EDIL3: variants seen among roughly 807,000 people sequenced by gnomAD.
EDIL3 encodes EGF-like repeat and discoidin I-like domain-containing protein 3.
A neutral mutation model predicts 67.4 loss-of-function variants in EDIL3; 37 were observed. The observed-to-expected ratio is 0.55, with a 90% CI of 0.42 to 0.72. The LOEUF (loss-of-function observed/expected upper bound fraction) is 0.72. Among genes scored for constraint, EDIL3 ranks in the 30% least tolerant of loss-of-function variants. The pLI is 0.00. For synonymous variants in EDIL3, 195 were observed against 196.3 expected (o/e 0.99, Z 0.05); for missense variants, 527 against 586.3 (o/e 0.90, Z 1.04).
intron 1 of EDIL3, among the ~76,000 whole-genome samples, chr5:84,320,449 C>A (rs970598062): frequency 6.6e-6 from 1 of 151,832 alleles, no homozygotes; most frequent in South Asian, 2.1e-4. Context: ...GCTGTATATT[C>A]GCTCAAGTTT....
chr5:84,011,541 A>G (rs1485027654), intron 9 of EDIL3, among the ~76,000 whole-genome samples: 1 of 152,102 alleles, frequency 6.6e-6, no homozygotes, highest in Non-Finnish European at 1.5e-5. Flanking sequence ...AAAACTACAA[A>G]CAAGTTCAGG....
intron 3 of EDIL3, among the ~76,000 whole-genome samples, chr5:84,209,635 TA>T (rs113385032): frequency 0.011 from 1,583 of 149,422 alleles, 33 homozygotes; most frequent in African/African-American, 0.037. Context: ...CTAAACTTAT[TA>T]AAAAAAAAAG....
intron 5 of EDIL3, among the ~76,000 whole-genome samples, chr5:84,116,762 G>C (rs185950606): frequency 6.6e-6 from 1 of 152,146 alleles, no homozygotes; most frequent in East Asian, 1.9e-4. Context: ...TAAAACAAAG[G>C]ATGCTTTACC....
chr5:84,356,245 A>T (rs1254697995), intron 1 of EDIL3, among the ~76,000 whole-genome samples: 2 of 152,252 alleles, frequency 1.3e-5, no homozygotes, highest in South Asian at 4.1e-4. Context: ...ACTGATAAAC[A>T]TATGCTTAAA....
At chr5:84,003,017 AGCCCC>A (rs1745357790) in intron 9 of EDIL3, among the ~76,000 whole-genome samples, 1 of 136,502 alleles carries the variant, frequency 7.3e-6, no homozygotes, top group African/African-American at 3.2e-5. Flanking sequence ...GGCAACTGAC[AGCCCC>A]TCTGCCACTG....
At chr5:84,157,290 C>A (rs1748510033) in intron 4 of EDIL3, among the ~76,000 whole-genome samples, 1 of 151,772 alleles carries the variant, frequency 6.6e-6, no homozygotes, top group Non-Finnish European at 1.5e-5. Flanking sequence ...ACCTATATAA[C>A]AAACCTGCAC....
chr5:83,943,639 T>G, intron 10 of EDIL3, 71 bp from the exon 11 acceptor site: 3 of 1,545,446 alleles, frequency 1.9e-6, no homozygotes, highest in Non-Finnish European at 2.6e-6. Context: ...ATGTTCCTGT[T>G]TGGAACATTT....
At chr5:84,338,553 T>C (rs1450761209) in intron 1 of EDIL3, among the ~76,000 whole-genome samples, 1 of 152,114 alleles carries the variant, frequency 6.6e-6, no homozygotes, top group African/African-American at 2.4e-5. Flanking sequence ...AGGGTGGAAA[T>C]TGAAGCTAGT....
intron 1 of EDIL3, among the ~76,000 whole-genome samples, chr5:84,381,636 A>G (rs1748076164): frequency 6.6e-6 from 1 of 152,208 alleles, no homozygotes; most frequent in South Asian, 2.1e-4. Flanking sequence ...AATGATTCAT[A>G]GTATTTAGGA....
chr5:84,115,583 T>C (rs1743744487), intron 5 of EDIL3, among the ~76,000 whole-genome samples: 1 of 152,230 alleles, frequency 6.6e-6, no homozygotes, highest in Non-Finnish European at 1.5e-5. Flanking sequence ...ACGATTATCC[T>C]CTTATCACAG....
At chr5:84,130,467 T>C (rs1241765991) in intron 5 of EDIL3, among the ~76,000 whole-genome samples, 1 of 152,216 alleles carries the variant, frequency 6.6e-6, no homozygotes, top group African/African-American at 2.4e-5. Context: ...TTCACTATAT[T>C]GCAACATCAG....
chr5:84,200,641 T>C (rs760105676), intron 3 of EDIL3, among the ~76,000 whole-genome samples: 7 of 152,106 alleles, frequency 4.6e-5, no homozygotes, highest in Non-Finnish European at 1.0e-4. Flanking sequence ...ATATTACATT[T>C]GTTTTAACAA....
At chr5:84,079,755 G>A (rs1465146622) in intron 6 of EDIL3, among the ~76,000 whole-genome samples, 1 of 151,946 alleles carries the variant, frequency 6.6e-6, no homozygotes, top group Non-Finnish European at 1.5e-5. Context: ...TTGCAAATAT[G>A]TCACTTAAGG....
At chr5:84,052,489 C>T (rs539565225) in intron 9 of EDIL3, among the ~76,000 whole-genome samples, 2 of 152,088 alleles carry the variant, frequency 1.3e-5, no homozygotes, top group Non-Finnish European at 2.9e-5. Flanking sequence ...GGGCTAAATG[C>T]TCCAATTAAA....
chr5:84,083,954 G>A (rs1332768757), intron 6 of EDIL3, among the ~76,000 whole-genome samples: 1 of 151,970 alleles, frequency 6.6e-6, no homozygotes, highest in Non-Finnish European at 1.5e-5. Context: ...GATGATTCTG[G>A]TCTTCAGTAT....
chr5:84,064,660 T>C (rs753012593), intron 8 of EDIL3, 40 bp downstream of exon 8: 18 of 1,573,944 alleles, frequency 1.1e-5, no homozygotes, highest in Non-Finnish European at 1.6e-5. Flanking sequence ...CTTTTTGTTT[T>C]CTTTAAATAG....
At chr5:84,322,817 C>CA (rs1190254685) in intron 1 of EDIL3, among the ~76,000 whole-genome samples, 1 of 151,888 alleles carries the variant, frequency 6.6e-6, no homozygotes, top group Non-Finnish European at 1.5e-5. Context: ...TTTAAGGCAG[C>CA]AAAAAGCATT....
At chr5:84,326,391 GA>G (rs1746756946) in intron 1 of EDIL3, among the ~76,000 whole-genome samples, 1 of 151,942 alleles carries the variant, frequency 6.6e-6, no homozygotes, top group South Asian at 2.1e-4. Context: ...CGGGAGAAGG[GA>G]AAATTATTGT....
At chr5:84,079,804 G>C (rs1746929918) in intron 6 of EDIL3, among the ~76,000 whole-genome samples, 1 of 151,926 alleles carries the variant, frequency 6.6e-6, no homozygotes, top group Admixed American at 6.6e-5. Context: ...ATCACCTAAA[G>C]TTTCCAGTTA....
Sources: allele counts gnomAD v4.1 joint callset (sites outside exome capture counted in the v4.1 genomes callset), GRCh38; gene constraint gnomAD v4.1.1; transcripts MANE v1.5; gene names NCBI Gene and HGNC (gene_info 2026-07-23, HGNC 2026-07-21).